The following FMN1 variants were observed in gnomAD, a reference collection of about 807,000 sequenced individuals.
FMN1 encodes the protein formin 1.
FMN1 carries 110 observed loss-of-function variants against 132.4 expected under a neutral mutation model. That is an observed-to-expected ratio of 0.83 (90% CI 0.71 to 0.97). The LOEUF is 0.97. Ranked by LOEUF, FMN1 falls within the 50% of genes least tolerant of loss-of-function variation. The pLI is 0.00. For synonymous variants in FMN1, 722 were observed against 651.7 expected (o/e 1.11, Z -1.64); for missense variants, 1,792 against 1,705.3 (o/e 1.05, Z -0.90).
At chr15:33,141,748 C>G (rs140871836) in intron 4 of FMN1, among the ~76,000 whole-genome samples, 28 of 152,224 alleles carry the variant, frequency 1.8e-4, no homozygotes, top group Middle Eastern at 6.8e-3. Context: ...GTACCTCCCC[C>G]CTTGCAGCTG....
chr15:32,836,459 C>A (rs1232897342), intron 17 of FMN1, among the ~76,000 whole-genome samples: 1 of 152,136 alleles, frequency 6.6e-6, no homozygotes, highest in African/African-American at 2.4e-5. Context: ...AGCAATAATT[C>A]ATATTCTAAC....
intron 5 of FMN1, chr15:33,066,534 C>T: frequency 6.4e-7 from 1 of 1,564,794 alleles, no homozygotes; most frequent in Non-Finnish European, 8.6e-7. Flanking sequence ...GAGGGGCCAT[C>T]CGCTGGCTTA....
chr15:32,871,572 T>A (rs2059518118), intron 16 of FMN1, among the ~76,000 whole-genome samples: 1 of 152,146 alleles, frequency 6.6e-6, no homozygotes, highest in African/African-American at 2.4e-5. Context: ...CACATCTGTG[T>A]CCATACAAAC....
chr15:32,869,906 G>A (rs2059474874), intron 16 of FMN1, among the ~76,000 whole-genome samples: 1 of 152,196 alleles, frequency 6.6e-6, no homozygotes. Context: ...GAAGTTGGGG[G>A]TGCGGGGAAA....
At chr15:32,895,090 A>G (rs575439980) in intron 15 of FMN1, among the ~76,000 whole-genome samples, 308 of 152,308 alleles carry the variant, frequency 2.0e-3, no homozygotes, top group Non-Finnish European at 3.6e-3. Context: ...AAGCTATTAT[A>G]AGTAAATAGT....
chr15:32,830,365 T>C (rs2058470612), intron 17 of FMN1, among the ~76,000 whole-genome samples: 2 of 152,194 alleles, frequency 1.3e-5, no homozygotes, highest in South Asian at 2.1e-4. Flanking sequence ...TGATTGTTTT[T>C]CCCTCCAGAT....
At chr15:33,000,192 G>A (rs343920) in intron 7 of FMN1, among the ~76,000 whole-genome samples, 1 of 152,168 alleles carries the variant, frequency 6.6e-6, no homozygotes, top group Non-Finnish European at 1.5e-5. Context: ...GCTCACGCCT[G>A]TAATCCCAGC....
At chr15:32,908,285 GAC>G (rs1166826511) in intron 12 of FMN1, 24 of 494,374 alleles carry the variant, frequency 4.9e-5, no homozygotes, top group Non-Finnish European at 8.4e-5. Flanking sequence ...AGGGGGGTGA[GAC>G]ACACTGTATC....
chr15:33,018,960 A>G (rs1307242407), intron 6 of FMN1, among the ~76,000 whole-genome samples: 1 of 152,174 alleles, frequency 6.6e-6, no homozygotes, highest in Non-Finnish European at 1.5e-5. Context: ...CATAAAGACA[A>G]TGTGGGCCCA....
At chr15:32,972,174 TTCTC>T (rs1219720773) in intron 7 of FMN1, among the ~76,000 whole-genome samples, 1 of 152,198 alleles carries the variant, frequency 6.6e-6, no homozygotes, top group Non-Finnish European at 1.5e-5. Context: ...GTCATTATTA[TTCTC>T]TCTCTAATGC....
Position 32,777,907 on chromosome 15 carries a change from TATA to T in FMN1, c.4131-991_4131-989del, listed in dbSNP as rs540256958. 4.2e-3 allele frequency among the ~76,000 whole-genome samples: 9 copies of T among 2,166 alleles called. 4 individuals carry two copies. Among genetic ancestry groups the T allele is most frequent in the Non-Finnish European group, 0.04 (7 of 174 alleles). The allele number at this position is 2,166 out of a possible 152,430, so 1.4% of individuals were successfully genotyped here. On this transcript the variant is annotated intron_variant, in intron 19 of 20. Coordinates refer to ENST00000616417, the MANE Select transcript of FMN1 (RefSeq NM_001277313.2). ...ATATTATGTATAATATATAATACAT[TATA>T]TATTATGTATAATATATAATACATT...
chr15:33,134,641 A>G (rs917793431), intron 4 of FMN1, among the ~76,000 whole-genome samples: 7 of 152,212 alleles, frequency 4.6e-5, no homozygotes, highest in African/African-American at 1.7e-4. Flanking sequence ...GAAGAAAGAA[A>G]AGAACTATGA....
chr15:33,110,257 T>C (rs956107382), intron 4 of FMN1, among the ~76,000 whole-genome samples: 10 of 152,004 alleles, frequency 6.6e-5, no homozygotes, highest in Admixed American at 3.3e-4. Flanking sequence ...AAATAATACA[T>C]AGATGGTCTA....
chr15:33,012,390 A>T, intron 6 of FMN1: 1 of 909,388 alleles, frequency 1.1e-6, no homozygotes, highest in Non-Finnish European at 1.8e-6. Flanking sequence ...GAGCTGTCTA[A>T]GAAGATTCTC....
chr15:32,934,634 T>TCTCA (rs1337080769), intron 9 of FMN1, among the ~76,000 whole-genome samples: 1 of 146,330 alleles, frequency 6.8e-6, no homozygotes. Flanking sequence ...GAGGACTGAG[T>TCTCA]CTCACTCTGT....
intron 4 of FMN1, among the ~76,000 whole-genome samples, chr15:33,124,956 C>G (rs764243035): frequency 6.6e-6 from 1 of 151,916 alleles, no homozygotes; most frequent in Non-Finnish European, 1.5e-5. Flanking sequence ...GTTTTGATTT[C>G]TTTGAAATCA....
At chr15:32,891,043 G>C (rs1442403982) in intron 15 of FMN1, among the ~76,000 whole-genome samples, 1 of 152,146 alleles carries the variant, frequency 6.6e-6, no homozygotes, top group Admixed American at 6.5e-5. Context: ...AGATCAGTTG[G>C]CTGTAAGTAT....
chr15:32,818,210 A>G, intron 17 of FMN1, among the ~76,000 whole-genome samples: 1 of 152,220 alleles, frequency 6.6e-6, no homozygotes, highest in South Asian at 2.1e-4. Flanking sequence ...TTTCCCTTGC[A>G]TTTTATTTAA....
intron 6 of FMN1, among the ~76,000 whole-genome samples, chr15:33,013,566 A>G (rs2034861465): frequency 6.6e-6 from 1 of 152,238 alleles, no homozygotes; most frequent in Non-Finnish European, 1.5e-5. Context: ...ATTTTTTACG[A>G]AATTATCTTT....
Sources: allele counts gnomAD v4.1 joint callset (sites outside exome capture counted in the v4.1 genomes callset), GRCh38; gene constraint gnomAD v4.1.1; transcripts MANE v1.5; gene names NCBI Gene and HGNC (gene_info 2026-07-23, HGNC 2026-07-21).